COLEC10: variants seen among roughly 807,000 people sequenced by gnomAD.
COLEC10 encodes collectin subfamily member 10.
COLEC10 carries 22 observed loss-of-function variants against 28.4 expected under a neutral mutation model. The observed-to-expected ratio is 0.78, with a 90% CI of 0.55 to 1.11. The LOEUF (loss-of-function observed/expected upper bound fraction) is 1.11. Among genes scored for constraint, COLEC10 ranks in the 50% least tolerant of loss-of-function variants. The pLI is 0.00. For missense variants in COLEC10, 361 were observed against 344.1 expected (o/e 1.05, Z -0.39); for synonymous variants, 125 against 116.1 (o/e 1.08, Z -0.49).
chr8:119,094,302 G>A (rs915224848), intron 3 of COLEC10, among the ~76,000 whole-genome samples: 6 of 152,114 alleles, frequency 3.9e-5, no homozygotes, highest in African/African-American at 1.2e-4. Context: ...CTACTTTATA[G>A]AGGTATAGTC....
chr8:118,970,580 G>C, the COLEC10 span, among the ~76,000 whole-genome samples: 103 of 151,518 alleles, frequency 6.8e-4, no homozygotes, highest in African/African-American at 2.5e-3. Context: ...AGCAGTGTCT[G>C]ATGCATAGTG....
At chr8:118,956,943 AAC>A in the COLEC10 span, among the ~76,000 whole-genome samples, 1 of 152,206 alleles carries the variant, frequency 6.6e-6, no homozygotes, top group Non-Finnish European at 1.5e-5. Context: ...AATTTTTAGA[AAC>A]AGATGAGATA....
At chr8:118,964,691 G>T in the COLEC10 span, among the ~76,000 whole-genome samples, 1 of 152,142 alleles carries the variant, frequency 6.6e-6, no homozygotes, top group Non-Finnish European at 1.5e-5. Context: ...ATATAATGTA[G>T]CATAGAATCT....
intron 2 of COLEC10, among the ~76,000 whole-genome samples, chr8:119,023,527 T>G (rs1174058368): frequency 6.6e-6 from 1 of 152,176 alleles, no homozygotes; most frequent in Non-Finnish European, 1.5e-5. Flanking sequence ...CAAAGACTTA[T>G]TTTAACCTCT....
At chr8:119,105,726 G>A in intron 5 of COLEC10, 74 bp from the exon 6 acceptor site, 1 of 1,255,270 alleles carries the variant, frequency 8.0e-7, no homozygotes, top group South Asian at 1.5e-5. Context: ...ATGTAAATCT[G>A]GCAATATCAT....
rs1376390433 is a variant in COLEC10, at chr8:119,010,410, A to G, written n.235+857A>G. 2.0e-5 allele frequency among the ~76,000 whole-genome samples: 3 copies of G among 150,944 alleles called. 1 individual carries two copies. The highest frequency in any genetic ancestry group is 6.6e-5 in the Admixed American group (1 of 15,196). ...CTACAATTTACTTATCCATTTACCT[A>G]CTGAATAACATCTTGGTTGCTTTTA... On this transcript the variant is annotated intron_variant and non_coding_transcript_variant, in intron 2 of 6. Transcript: ENST00000521788.
At chr8:119,006,077 A>T (rs1240837807) in intron 1 of COLEC10, among the ~76,000 whole-genome samples, 10 of 151,964 alleles carry the variant, frequency 6.6e-5, no homozygotes, top group African/African-American at 2.4e-4. Context: ...CAGTGCCCTA[A>T]ATCTTTGTGG....
chr8:118,956,125 A>C, the COLEC10 span, among the ~76,000 whole-genome samples: 1 of 152,152 alleles, frequency 6.6e-6, no homozygotes, highest in East Asian at 1.9e-4. Context: ...TACGTGGCAG[A>C]AAGGGTTAGA....
chr8:119,097,418 T>G (rs1400173412), intron 3 of COLEC10, among the ~76,000 whole-genome samples: 1 of 152,112 alleles, frequency 6.6e-6, no homozygotes, highest in Non-Finnish European at 1.5e-5. Flanking sequence ...CATACATAGC[T>G]AATTATTATG....
At chr8:119,024,151 G>A (rs963541076) in intron 2 of COLEC10, among the ~76,000 whole-genome samples, 1 of 152,096 alleles carries the variant, frequency 6.6e-6, no homozygotes, top group African/African-American at 2.4e-5. Flanking sequence ...GGTAGGAGGT[G>A]GCAGTATGCT....
At chr8:118,965,305 C>T in the COLEC10 span, among the ~76,000 whole-genome samples, 1 of 151,982 alleles carries the variant, frequency 6.6e-6, no homozygotes, top group African/African-American at 2.4e-5. Context: ...TCTTTTGTCA[C>T]CTAAGAATGT....
At chr8:119,059,683 T>C (rs1814819945) in intron 2 of COLEC10, among the ~76,000 whole-genome samples, 1 of 151,878 alleles carries the variant, frequency 6.6e-6, no homozygotes, top group Non-Finnish European at 1.5e-5. Flanking sequence ...AGGAGAGAGG[T>C]GGAGTTTTTT....
chr8:119,065,619 G>A (rs2130208603), upstream of COLEC10, among the ~76,000 whole-genome samples: 1 of 152,230 alleles, frequency 6.6e-6, no homozygotes, highest in East Asian at 1.9e-4. Flanking sequence ...CACTTATGGA[G>A]GCCAAGGTGG....
chr8:119,002,690 G>C (rs1813723669), intron 1 of COLEC10, among the ~76,000 whole-genome samples: 1 of 152,064 alleles, frequency 6.6e-6, no homozygotes, highest in Non-Finnish European at 1.5e-5. Flanking sequence ...TTCATATATG[G>C]TCAATTAAAT....
Position 119,105,813 on chromosome 8 carries a change from T to C in COLEC10, c.456T>C (p.Ile152=), listed in dbSNP as rs1251725073. The C allele has an allele frequency of 7.4e-6, 12 of 1,611,818 alleles. No individual in the cohort carries two copies. Among genetic ancestry groups the C allele is most frequent in the Non-Finnish European group, 9.3e-6 (11 of 1,178,460 alleles). Residue 152 remains isoleucine, a synonymous_variant, in exon 6 of 6, where the codon ATT becomes ATC. Coordinates refer to ENST00000332843, the MANE Select transcript of COLEC10 (RefSeq NM_006438.5). ...MKFVKNVIAG[I]RETEEKFYYI... ...CTCTCCCTGCAGTGATAGCAGGGAT[T>C]AGGGAAACTGAAGAGAAATTCTACT...
Position 119,014,396 on chromosome 8 carries a change from CTTTG to C in COLEC10, n.235+4848_235+4851del, listed in dbSNP as rs200290790. On this transcript the variant is annotated intron_variant and non_coding_transcript_variant, in intron 2 of 6. Transcript: ENST00000521788. ...CTCAACACTAAACACTTTACTCTTT[CTTTG>C]TTTGCATGATTTCTGAGGAGAAGCT... Among the ~76,000 whole-genome samples, 1,400 of 149,238 alleles carry C rather than the reference CTTTG, an allele frequency of 9.4e-3. 89 individuals carry two copies. Among genetic ancestry groups the C allele is most frequent in the African/African-American group, 0.032 (1,272 of 39,498 alleles).
At chr8:119,070,442 C>CTGG (rs1815080428) in intron 1 of COLEC10, among the ~76,000 whole-genome samples, 1 of 130,338 alleles carries the variant, frequency 7.7e-6, no homozygotes, top group Admixed American at 8.1e-5. Context: ...AAATGTTCTC[C>CTGG]CTCGCTCTCT....
chr8:119,010,888 T>C (rs1236894010), intron 2 of COLEC10, among the ~76,000 whole-genome samples: 1 of 151,142 alleles, frequency 6.6e-6, no homozygotes. Context: ...TCTTTGTATA[T>C]TTTGGATAAC....
At chr8:119,101,328 A>G (rs1815821149) in intron 3 of COLEC10, among the ~76,000 whole-genome samples, 1 of 152,014 alleles carries the variant, frequency 6.6e-6, no homozygotes, top group Non-Finnish European at 1.5e-5. Context: ...CTCTATTTTA[A>G]TCTGTCAGGG....
Sources: allele counts gnomAD v4.1 joint callset (sites outside exome capture counted in the v4.1 genomes callset), GRCh38; gene constraint gnomAD v4.1.1; transcripts MANE v1.5; gene names NCBI Gene and HGNC (gene_info 2026-07-23, HGNC 2026-07-21).